The following HMCN1 variants were observed in gnomAD, a reference collection of about 807,000 sequenced individuals.
The protein encoded by HMCN1 is hemicentin-1.
HMCN1 carries 321 observed loss-of-function variants against 625.9 expected under a neutral mutation model. The ratio of observed to expected loss-of-function variants is 0.51; its 90% confidence interval spans 0.47 to 0.56. The LOEUF (loss-of-function observed/expected upper bound fraction) is 0.56, where lower values mean the gene tolerates loss of function less well. HMCN1 is among the 20% of genes least tolerant of loss of function. HMCN1 has a pLI of 0.00. For missense variants in HMCN1, 6,588 were observed against 6,887.3 expected (o/e 0.96, Z 1.54); for synonymous variants, 2,425 against 2,417.6 (o/e 1.00, Z -0.09).
At chr1:185,800,937 C>G (rs975737566) in intron 1 of HMCN1, among the ~76,000 whole-genome samples, 3 of 152,108 alleles carry the variant, frequency 2.0e-5, no homozygotes, top group African/African-American at 7.2e-5. Context: ...AGTGTTTGTA[C>G]TCTTCTTGGG....
chr1:186,131,248 C>A (rs1180336817), intron 85 of HMCN1, among the ~76,000 whole-genome samples: 1 of 152,118 alleles, frequency 6.6e-6, no homozygotes, highest in Non-Finnish European at 1.5e-5. Flanking sequence ...AATATACTAT[C>A]TAATTACCCA....
intron 105 of HMCN1, among the ~76,000 whole-genome samples, 187 bp from the exon 106 acceptor site, chr1:186,187,696 T>A (rs1653427606): frequency 1.3e-5 from 2 of 152,152 alleles, no homozygotes; most frequent in Admixed American, 6.6e-5. Context: ...CGAGGCAACC[T>A]GGGAAATAAC....
At chr1:185,818,010 TAA>T (rs1385732439) in intron 1 of HMCN1, among the ~76,000 whole-genome samples, 1 of 152,222 alleles carries the variant, frequency 6.6e-6, no homozygotes, top group East Asian at 1.9e-4. Context: ...TGCATTTGGC[TAA>T]GCCCAACTCC....
Position 185,735,066 on chromosome 1 carries a change from C to T in HMCN1, c.268+19C>T, listed in dbSNP as rs1033945381. ...GATCCAGGTAAGGGAAATATTTATA[C>T]TTTGTCTTTGCTATGTCTCATGATT... On this transcript the variant is annotated intron_variant, in intron 1 of 106. Coordinates refer to ENST00000271588, the MANE Select transcript of HMCN1 (RefSeq NM_031935.3). The T allele has an allele frequency of 6.2e-7, 1 of 1,611,034 alleles. No homozygotes were observed. The highest frequency in any genetic ancestry group is 8.5e-7 in the Non-Finnish European group (1 of 1,177,160).
intron 1 of HMCN1, among the ~76,000 whole-genome samples, chr1:185,774,844 T>TG (rs1557957495): frequency 6.6e-6 from 1 of 152,112 alleles, no homozygotes; most frequent in East Asian, 1.9e-4. Flanking sequence ...AAGAAAATAT[T>TG]GGGAATTAAT....
chr1:186,169,826 C>A (rs991907925), intron 100 of HMCN1, among the ~76,000 whole-genome samples: 1 of 152,052 alleles, frequency 6.6e-6, no homozygotes, highest in Admixed American at 6.6e-5. Context: ...TCGAAATTGA[C>A]AATGCGATCT....
At chr1:186,158,754 G>A (rs898073223) in intron 97 of HMCN1, among the ~76,000 whole-genome samples, 16 of 152,228 alleles carry the variant, frequency 1.1e-4, no homozygotes, top group African/African-American at 3.4e-4. Context: ...GTAGATATGT[G>A]GCATTATTTC....
intron 102 of HMCN1, 79 bp downstream of exon 102, chr1:186,172,210 G>A: frequency 6.4e-7 from 1 of 1,562,772 alleles, no homozygotes; most frequent in Non-Finnish European, 8.8e-7. Flanking sequence ...TAAAAGAAGT[G>A]ATTAGAGTAA....
chr1:186,170,497 C>A (rs939084519), intron 100 of HMCN1, among the ~76,000 whole-genome samples: 1 of 152,086 alleles, frequency 6.6e-6, no homozygotes, highest in African/African-American at 2.4e-5. Context: ...CACATGCACA[C>A]GTATGTTTAT....
chr1:185,873,983 C>T (rs566251872), intron 4 of HMCN1, among the ~76,000 whole-genome samples: 159 of 151,896 alleles, frequency 1.0e-3, no homozygotes, highest in African/African-American at 3.8e-3. Flanking sequence ...ACAGCAGGTA[C>T]ATATTATTTT....
chr1:185,778,680 CT>C (rs1656807907), intron 1 of HMCN1, among the ~76,000 whole-genome samples: 1 of 151,882 alleles, frequency 6.6e-6, no homozygotes, highest in Admixed American at 6.6e-5. Flanking sequence ...TGAACTCATC[CT>C]TTTTTATGGC....
At chr1:185,891,963 T>G (rs1241119159) in intron 4 of HMCN1, among the ~76,000 whole-genome samples, 3 of 151,228 alleles carry the variant, frequency 2.0e-5, no homozygotes, top group Admixed American at 6.5e-5. Context: ...AGATGTAGAT[T>G]TGGTCTTTTC....
intron 30 of HMCN1, among the ~76,000 whole-genome samples, chr1:186,012,273 C>G (rs1261885555): frequency 6.6e-6 from 1 of 150,878 alleles, no homozygotes; most frequent in African/African-American, 2.4e-5. Flanking sequence ...TCAATTGTAA[C>G]AAATCTTAAA....
At chr1:186,051,176 A>C (rs1438933325) in intron 42 of HMCN1, among the ~76,000 whole-genome samples, 1 of 152,070 alleles carries the variant, frequency 6.6e-6, no homozygotes, top group African/African-American at 2.4e-5. Flanking sequence ...TAAAAAGTAT[A>C]GATTTGATTC....
Position 185,928,612 on chromosome 1 carries a change from C to T in HMCN1, c.1497C>T (p.Cys499=). 1.2e-6 allele frequency: 2 copies of T among 1,613,286 alleles called. No homozygotes were observed. Among genetic ancestry groups the T allele is most frequent in the Non-Finnish European group, 1.7e-6 (2 of 1,179,290 alleles). ...TGTCTGACGAAGGTTTCTATGAATG[C>T]ATTGCTGTCAGCAGTGCAGGTACTG... ...VTLSDEGFYE[C]IAVSSAGTGR... Residue 499 remains cysteine, a synonymous_variant, in exon 10 of 107, where the codon TGC becomes TGT. Transcript: ENST00000271588.
At chr1:185,862,350 C>T (rs764920995) in intron 2 of HMCN1, among the ~76,000 whole-genome samples, 1 of 151,834 alleles carries the variant, frequency 6.6e-6, no homozygotes, top group Non-Finnish European at 1.5e-5. Flanking sequence ...AGAAAAGTGA[C>T]TAGTGGGAAG....
rs143843702 is a variant in HMCN1, at chr1:185,806,665, G to A, written c.269-39361G>A. Reference sequence around the variant, plus strand: ...TTCGAACCAAGCATCTCTCACGTACGATGGCATTGCATCTTGCTTCTTTTA... The same window carrying A: ...TTCGAACCAAGCATCTCTCACGTACAATGGCATTGCATCTTGCTTCTTTTA... On this transcript the variant is annotated intron_variant, in intron 1 of 106. Coordinates refer to ENST00000271588, the MANE Select transcript of HMCN1 (RefSeq NM_031935.3). 1.4e-4 allele frequency among the ~76,000 whole-genome samples: 21 copies of A among 151,600 alleles called. No homozygotes were observed. In the East Asian group the frequency reaches 4.1e-3, roughly 29 times the overall value.
intron 6 of HMCN1, among the ~76,000 whole-genome samples, chr1:185,922,155 C>T (rs781716057): frequency 6.6e-6 from 1 of 152,064 alleles, no homozygotes; most frequent in Non-Finnish European, 1.5e-5. Context: ...AGGCATGAAA[C>T]ATATTACTGA....
intron 22 of HMCN1, among the ~76,000 whole-genome samples, chr1:185,992,488 C>T (rs1310325629): frequency 6.6e-6 from 1 of 152,062 alleles, no homozygotes; most frequent in East Asian, 1.9e-4. Context: ...GAGCCAGTTG[C>T]CCGACATCAC....
Sources: allele counts gnomAD v4.1 joint callset (sites outside exome capture counted in the v4.1 genomes callset), GRCh38; gene constraint gnomAD v4.1.1; transcripts MANE v1.5; gene names NCBI Gene and HGNC (gene_info 2026-07-23, HGNC 2026-07-21).